The following CMTM8 variants were observed in gnomAD, a reference collection of about 807,000 sequenced individuals.
The protein encoded by CMTM8 is CKLF-like MARVEL transmembrane domain-containing protein 8.
A neutral mutation model predicts 18.6 loss-of-function variants in CMTM8; 12 were observed. That is an observed-to-expected ratio of 0.65 (90% CI 0.41 to 1.05). The LOEUF is 1.05. CMTM8 is among the 50% of genes least tolerant of loss of function. CMTM8 has a pLI of 0.00. For missense variants in CMTM8, 217 were observed against 227.2 expected (o/e 0.95, Z 0.29); for synonymous variants, 87 against 90.6 (o/e 0.96, Z 0.23).
intron 1 of CMTM8, among the ~76,000 whole-genome samples, chr3:32,304,030 A>G (rs1695676325): frequency 6.6e-6 from 1 of 152,202 alleles, no homozygotes; most frequent in Non-Finnish European, 1.5e-5. Flanking sequence ...GATCCAGTCA[A>G]GGATCGACAG....
chr3:32,294,962 G>A (rs1173211740), intron 1 of CMTM8, among the ~76,000 whole-genome samples: 3 of 152,110 alleles, frequency 2.0e-5, no homozygotes, highest in Non-Finnish European at 2.9e-5. Context: ...GGTTGAGGCA[G>A]GAGAATCTCT....
intron 1 of CMTM8, among the ~76,000 whole-genome samples, chr3:32,302,455 T>C (rs1054768128): frequency 6.6e-6 from 1 of 152,194 alleles, no homozygotes; most frequent in Non-Finnish European, 1.5e-5. Context: ...ACTTTCCAGT[T>C]CAAAGTTAGT....
intron 2 of CMTM8, among the ~76,000 whole-genome samples, chr3:32,361,286 G>GTTTTTTTTTTGTTTTTTTTTTTGTTTT (rs58364646): frequency 1.1e-5 from 1 of 87,230 alleles, no homozygotes; most frequent in African/African-American, 4.0e-5. Context: ...CAGCCTAAGA[G>GTTTTTTTTTTGTTTTTTTTTTTGTTTT]TTTTTTTTTC....
At chr3:32,285,805 A>G (rs1041661596) in intron 1 of CMTM8, among the ~76,000 whole-genome samples, 6 of 152,164 alleles carry the variant, frequency 3.9e-5, no homozygotes, top group African/African-American at 1.4e-4. Context: ...ATTCTTAACT[A>G]CCTATTTGCT....
At chr3:32,246,996 G>A (rs1702023582) in intron 1 of CMTM8, among the ~76,000 whole-genome samples, 1 of 152,098 alleles carries the variant, frequency 6.6e-6, no homozygotes, top group South Asian at 2.1e-4. Flanking sequence ...AGCTACTCTG[G>A]AGACTGAGGC....
intron 1 of CMTM8, among the ~76,000 whole-genome samples, chr3:32,335,421 C>T (rs543765825): frequency 2.6e-5 from 4 of 152,308 alleles, no homozygotes; most frequent in Admixed American, 6.5e-5. Context: ...TGTACATCTC[C>T]GGTCGGAAGC....
At chr3:32,319,801 T>C (rs1294880710) in intron 1 of CMTM8, among the ~76,000 whole-genome samples, 1 of 152,262 alleles carries the variant, frequency 6.6e-6, no homozygotes, top group Non-Finnish European at 1.5e-5. Context: ...AAGACAGGCA[T>C]GGCAGAACTG....
chr3:32,274,654 C>T (rs1398066086), intron 1 of CMTM8, among the ~76,000 whole-genome samples: 2 of 152,202 alleles, frequency 1.3e-5, no homozygotes, highest in African/African-American at 4.8e-5. Context: ...GTGTAACTAT[C>T]ATTCTCAAAT....
intron 1 of CMTM8, among the ~76,000 whole-genome samples, chr3:32,295,616 T>C (rs1401540665): frequency 1.3e-5 from 2 of 152,108 alleles, no homozygotes; most frequent in African/African-American, 2.4e-5. Flanking sequence ...TTTTGTTAAG[T>C]TGAGGAACTG....
chr3:32,368,416 CTG>C (rs1697086168), intron 3 of CMTM8, among the ~76,000 whole-genome samples: 1 of 149,726 alleles, frequency 6.7e-6, no homozygotes, highest in Non-Finnish European at 1.5e-5. Context: ...CTTCTAGAGA[CTG>C]GGATCGGGAA....
chr3:32,284,409 C>T (rs1359338763), intron 1 of CMTM8, among the ~76,000 whole-genome samples: 1 of 152,208 alleles, frequency 6.6e-6, no homozygotes, highest in African/African-American at 2.4e-5. Context: ...CAGCTGGATG[C>T]CCTCTGCCAG....
chr3:32,357,320 T>C, intron 1 of CMTM8, 53 bp from the exon 2 acceptor site: 6 of 1,349,128 alleles, frequency 4.4e-6, no homozygotes, highest in Non-Finnish European at 6.2e-6. Flanking sequence ...TTCCTTCTTT[T>C]TCTTTATCTT....
At chr3:32,246,931 T>C (rs1296475283) in intron 1 of CMTM8, among the ~76,000 whole-genome samples, 1 of 151,922 alleles carries the variant, frequency 6.6e-6, no homozygotes, top group Non-Finnish European at 1.5e-5. Flanking sequence ...ACAAAACTCA[T>C]CTCTACTAAA....
chr3:32,307,349 A>G lies in CMTM8; in HGVS notation c.148-50024A>G, dbSNP rs1404412900. 2.6e-5 allele frequency among the ~76,000 whole-genome samples: 4 copies of G among 152,144 alleles called. No individual in the cohort carries two copies. In the South Asian group the frequency reaches 8.3e-4, roughly 32 times the overall value. Reference sequence around the variant, plus strand: ...AGAGCGAAACTCCATCTTAAAAAAAAAGAGAAGGTAGAATCAACCTGACCT... The same window carrying G: ...AGAGCGAAACTCCATCTTAAAAAAAGAGAGAAGGTAGAATCAACCTGACCT... On this transcript the variant is annotated intron_variant, in intron 1 of 3. Coordinates refer to ENST00000307526, the MANE Select transcript of CMTM8 (RefSeq NM_178868.5).
chr3:32,286,011 T>C (rs1702675134), intron 1 of CMTM8, among the ~76,000 whole-genome samples: 1 of 152,194 alleles, frequency 6.6e-6, no homozygotes, highest in Non-Finnish European at 1.5e-5. Flanking sequence ...GTCAGGACGA[T>C]GGGAGAATTA....
At chr3:32,256,176 G>T (rs1052682410) in intron 1 of CMTM8, among the ~76,000 whole-genome samples, 1 of 152,196 alleles carries the variant, frequency 6.6e-6, no homozygotes, top group South Asian at 2.1e-4. Flanking sequence ...ATGGCTCAAT[G>T]CAGCCTCAGC....
Position 32,358,367 on chromosome 3 carries a change from T to A in CMTM8, c.321+821T>A, listed in dbSNP as rs4955281. On this transcript the variant is annotated intron_variant, in intron 2 of 3. Transcript: ENST00000307526. The surrounding 1 kb of genome is among the most constrained non-coding windows in gnomAD (Gnocchi z 4.1). ...AGCATTGACAATCTGGTTGGCAAAT[T>A]CAAAGTAGCTAAATGATTTACAAAA... 0.4 allele frequency among the ~76,000 whole-genome samples: 60,355 copies of A among 152,058 alleles called. 12,438 individuals are homozygous for A. The highest frequency in any genetic ancestry group is 0.59 in the Middle Eastern group (172 of 292).
At chr3:32,325,484 G>A (rs965563329) in intron 1 of CMTM8, among the ~76,000 whole-genome samples, 2 of 152,118 alleles carry the variant, frequency 1.3e-5, no homozygotes, top group East Asian at 1.9e-4. Context: ...CGTCACAGTA[G>A]GCATCTAAAT....
Position 32,238,873 on chromosome 3 carries a change from C to A in CMTM8, c.-100C>A. 2 of 1,166,684 alleles carry A rather than the reference C, an allele frequency of 1.7e-6. No homozygotes were observed. Among genetic ancestry groups the A allele is most frequent in the South Asian group, 5.3e-5 (2 of 37,702 alleles). The allele number at this position is 1,166,684 out of a possible 1,614,324, so 72.3% of individuals were successfully genotyped here. On this transcript the variant is annotated 5_prime_UTR_variant, in exon 1 of 4. Coordinates refer to ENST00000307526, the MANE Select transcript of CMTM8 (RefSeq NM_178868.5). Reference sequence around the variant, plus strand: ...CCTCCTGCCCCGCGCGGGCCGCGCTCCCCTCCCCCGCGCCTGTGTCCCCAG... The same window carrying A: ...CCTCCTGCCCCGCGCGGGCCGCGCTACCCTCCCCCGCGCCTGTGTCCCCAG...
Sources: allele counts gnomAD v4.1 joint callset (sites outside exome capture counted in the v4.1 genomes callset), GRCh38; gene constraint gnomAD v4.1.1; non-coding constraint Gnocchi (gnomAD v3.1); transcripts MANE v1.5; gene names NCBI Gene and HGNC (gene_info 2026-07-23, HGNC 2026-07-21).